Variants in AGPAT5 observed in about 807,000 individuals in gnomAD.
AGPAT5 encodes the protein 1-acylglycerol-3-phosphate O-acyltransferase 5.
A neutral mutation model predicts 45.6 loss-of-function variants in AGPAT5; 46 were observed. That is an observed-to-expected ratio of 1.01 (90% CI 0.80 to 1.29). AGPAT5 has a LOEUF of 1.29. Ranked by LOEUF, AGPAT5 falls within the 50% of genes most tolerant of loss-of-function variation. AGPAT5 has a pLI of 0.00. For synonymous variants in AGPAT5, 272 were observed against 167.0 expected (o/e 1.63, Z -4.85); for missense variants, 673 against 450.7 (o/e 1.49, Z -4.47).
intron 6 of AGPAT5, among the ~76,000 whole-genome samples, chr8:6,754,003 C>G (rs1399211455): frequency 6.6e-6 from 1 of 152,176 alleles, no homozygotes; most frequent in Non-Finnish European, 1.5e-5. Flanking sequence ...TAGAATTCAT[C>G]ATTTCTCAGA....
chr8:6,729,801 AC>A (rs1800803417), intron 2 of AGPAT5, among the ~76,000 whole-genome samples: 1 of 151,992 alleles, frequency 6.6e-6, no homozygotes, highest in African/African-American at 2.4e-5. Context: ...ATACCATCTT[AC>A]CCTTGTTTTT....
At chr8:6,727,660 C>T (rs553117331) in intron 2 of AGPAT5, among the ~76,000 whole-genome samples, 4 of 152,310 alleles carry the variant, frequency 2.6e-5, no homozygotes, top group Admixed American at 2.6e-4. Context: ...GGATTACAGG[C>T]GTGAGCCACT....
Position 6,735,848 on chromosome 8 carries a change from C to CTTTTTTTTTTTTTTTTTTTTT in AGPAT5, c.495+3198_495+3199insTTTTTTTTTTTTTTTTTTTTT, listed in dbSNP as rs1563295313. Among the ~76,000 whole-genome samples, 17 of 53,614 alleles carry CTTTTTTTTTTTTTTTTTTTTT rather than the reference C, an allele frequency of 3.2e-4. 7 individuals carry two copies. The highest frequency in any genetic ancestry group is 4.3e-4 in the Non-Finnish European group (11 of 25,736). 35.2% of individuals were successfully genotyped at this position (53,614 alleles called of 152,430 possible). ...GTGTTCCTGTTTATTCTTTATATAG[C>CTTTTTTTTTTTTTTTTTTTTT]CTTTTTTTTTTTTTTTTTTTTTTTG... On this transcript the variant is annotated intron_variant, in intron 4 of 7. Coordinates refer to ENST00000285518, the MANE Select transcript of AGPAT5 (RefSeq NM_018361.5).
chr8:6,745,315 T>A (rs1402609279), intron 5 of AGPAT5: 1 of 154,372 alleles, frequency 6.5e-6, no homozygotes, highest in Non-Finnish European at 1.5e-5. Flanking sequence ...CTGCAGGGGT[T>A]TCTCCCAGCT....
chr8:6,725,492 C>G (rs982134168), intron 2 of AGPAT5, among the ~76,000 whole-genome samples: 7 of 152,140 alleles, frequency 4.6e-5, no homozygotes, highest in Admixed American at 3.9e-4. Context: ...GAAGATACTT[C>G]TAAAAACCTT....
intron 1 of AGPAT5, among the ~76,000 whole-genome samples, chr8:6,718,019 C>G (rs1332320186): frequency 6.6e-6 from 1 of 152,154 alleles, no homozygotes; most frequent in Non-Finnish European, 1.5e-5. Context: ...TTCTCAGTCT[C>G]AAGATTCTCG....
In AGPAT5 at chr8:6,721,683, CT is replaced by C. The variant is rs1424888585; in HGVS notation, c.220-3186del. 7.2e-5 allele frequency among the ~76,000 whole-genome samples: 11 copies of C among 152,218 alleles called. No homozygotes were observed. In the East Asian group the frequency reaches 1.9e-3, roughly 27 times the overall value. Reference sequence around the variant, plus strand: ...TGAAGTCCATTACTTTAGAACCTACCTCTTAGTGGCTCTTATGTTACAGTAT... The same window carrying C: ...TGAAGTCCATTACTTTAGAACCTACCCTTAGTGGCTCTTATGTTACAGTAT... On this transcript the variant is annotated intron_variant, in intron 1 of 7. Transcript: ENST00000285518.
chr8:6,711,657 A>G (rs1231444835), intron 1 of AGPAT5, among the ~76,000 whole-genome samples: 1 of 152,200 alleles, frequency 6.6e-6, no homozygotes, highest in Admixed American at 6.5e-5. Context: ...AATAGAACTT[A>G]AGTTCTCGTG....
At chr8:6,715,484 C>T (rs529643597) in intron 1 of AGPAT5, among the ~76,000 whole-genome samples, 59 of 152,326 alleles carry the variant, frequency 3.9e-4, no homozygotes, top group African/African-American at 1.4e-3. Flanking sequence ...GTGAGTGCTG[C>T]TGTGTGCAAG....
At chr8:6,711,552 A>C (rs1403783327) in intron 1 of AGPAT5, among the ~76,000 whole-genome samples, 1 of 152,198 alleles carries the variant, frequency 6.6e-6, no homozygotes, top group African/African-American at 2.4e-5. Flanking sequence ...AATCCAGTTA[A>C]GTCTCTCTAC....
intron 5 of AGPAT5, among the ~76,000 whole-genome samples, chr8:6,742,941 A>G (rs955834797): frequency 2.0e-5 from 3 of 152,116 alleles, no homozygotes; most frequent in African/African-American, 4.8e-5. Flanking sequence ...CTCTTTTGCA[A>G]TGCCATTGTC....
intron 4 of AGPAT5, among the ~76,000 whole-genome samples, 195 bp downstream of exon 4, chr8:6,732,845 C>T (rs182443550): frequency 5.3e-5 from 8 of 152,298 alleles, no homozygotes; most frequent in African/African-American, 1.9e-4. Context: ...TTGCTGTAAA[C>T]AACTAGGTCC....
intron 1 of AGPAT5, among the ~76,000 whole-genome samples, chr8:6,711,780 C>A (rs1205555720): frequency 1.3e-5 from 2 of 152,126 alleles, no homozygotes; most frequent in African/African-American, 4.8e-5. Context: ...TGGTGGCATT[C>A]CTTGGCTTGG....
chr8:6,730,055 T>G (rs1201355439), intron 2 of AGPAT5, among the ~76,000 whole-genome samples: 3 of 152,110 alleles, frequency 2.0e-5, no homozygotes, highest in Non-Finnish European at 4.4e-5. Context: ...AATTCATAGT[T>G]GCATTTGGCC....
rs543158830 is a variant in AGPAT5, at chr8:6,747,263, A to G, written c.587-407A>G. Among the ~76,000 whole-genome samples the G allele has an allele frequency of 5.8e-4, 88 of 152,368 alleles. 1 individual carries two copies. Among genetic ancestry groups the G allele is most frequent in the African/African-American group, 2.0e-3 (82 of 41,582 alleles). ...ACCTCAGATCCATGCTGAGCGAAAG[A>G]AGCCAGAAACAGGAGGCCATGTGCT... On this transcript the variant is annotated intron_variant, in intron 5 of 7. Coordinates refer to ENST00000285518, the MANE Select transcript of AGPAT5 (RefSeq NM_018361.5).
In AGPAT5 at chr8:6,761,364, C is replaced by G. The variant is rs536615608; in HGVS notation, c.*3976C>G. 5.3e-5 allele frequency among the ~76,000 whole-genome samples: 8 copies of G among 152,196 alleles called. No homozygotes were observed. Among genetic ancestry groups the G allele is most frequent in the African/African-American group, 1.4e-4 (6 of 41,520 alleles). On this transcript the variant is annotated 3_prime_UTR_variant, in exon 8 of 8. Transcript: ENST00000285518. ...TTTTAAAAAAGGTGCTATTGAAATTCTGTGTCTCCAGCAGGCAAGAATACT... is the reference window on the plus strand; with the variant it reads ...TTTTAAAAAAGGTGCTATTGAAATTGTGTGTCTCCAGCAGGCAAGAATACT...
At chr8:6,743,548 T>C (rs1801312541) in intron 5 of AGPAT5, among the ~76,000 whole-genome samples, 1 of 152,252 alleles carries the variant, frequency 6.6e-6, no homozygotes, top group African/African-American at 2.4e-5. Context: ...ATACCTCTTA[T>C]AGGAAACTTA....
rs1028611157 is a variant in AGPAT5 at position 6,759,658 on chromosome 8, G to C, written c.*2270G>C. On this transcript the variant is annotated 3_prime_UTR_variant, in exon 8 of 8. Coordinates refer to ENST00000285518, the MANE Select transcript of AGPAT5 (RefSeq NM_018361.5). ...AAAAAAAAAAATAAAATCTTTCACT[G>C]TCTCTAATGGCTGTGCTGTTTAACA... 4.6e-5 allele frequency: 7 copies of C among 151,920 alleles called. No homozygotes were observed. Among genetic ancestry groups the C allele is most frequent in the African/African-American group, 1.2e-4 (5 of 41,352 alleles). 9.4% of individuals were successfully genotyped at this position (151,920 alleles called of 1,614,324 possible). A position where few individuals can be genotyped will look rare whatever the true frequency, so the allele number is the denominator to read the frequency against.
In AGPAT5 at chr8:6,760,665, G is replaced by T. The variant is rs1802008997; in HGVS notation, c.*3277G>T. Among the ~76,000 whole-genome samples the T allele has an allele frequency of 6.6e-6, 1 of 152,166 alleles. No individual in the cohort carries two copies. The highest frequency in any genetic ancestry group is 6.5e-5 in the Admixed American group (1 of 15,280). ...TACAATGCAATGTCGTTGTAGTTTT[G>T]CATGGCTTGCTTTATAAACAAGATT... is the stretch of plus-strand genomic sequence containing the variant. On this transcript the variant is annotated 3_prime_UTR_variant, in exon 8 of 8. Coordinates refer to ENST00000285518, the MANE Select transcript of AGPAT5 (RefSeq NM_018361.5).
Sources: allele counts gnomAD v4.1 joint callset (sites outside exome capture counted in the v4.1 genomes callset), GRCh38; gene constraint gnomAD v4.1.1; transcripts MANE v1.5; gene names NCBI Gene and HGNC (gene_info 2026-07-23, HGNC 2026-07-21).